Variants in TAOK3 observed in about 807,000 individuals in gnomAD.
The protein encoded by TAOK3 is TAO kinase 3.
A neutral mutation model predicts 120.4 loss-of-function variants in TAOK3; 40 were observed. The ratio of observed to expected loss-of-function variants is 0.33; its 90% confidence interval spans 0.26 to 0.43. The LOEUF (loss-of-function observed/expected upper bound fraction) is 0.43, where lower values mean the gene tolerates loss of function less well. Ranked by LOEUF, TAOK3 falls within the 20% of genes least tolerant of loss-of-function variation. TAOK3 has a pLI of 1.00. For missense variants in TAOK3, 821 were observed against 1,112.1 expected, an observed-to-expected ratio of 0.74 and a Z score of 3.72; for synonymous variants, 355 against 387.5, an observed-to-expected ratio of 0.92 and a Z score of 0.99.
intron 1 of TAOK3, among the ~76,000 whole-genome samples, chr12:118,342,957 A>AAGAG (rs1294248778): frequency 1.0e-4 from 12 of 120,370 alleles, no homozygotes; most frequent in African/African-American, 3.2e-4. Context: ...AAAAAAAAAA[A>AAGAG]AGAGAGAGAG....
At chr12:118,268,753 A>T (rs2041566933) in intron 1 of TAOK3, among the ~76,000 whole-genome samples, 1 of 152,244 alleles carries the variant, frequency 6.6e-6, no homozygotes, top group Non-Finnish European at 1.5e-5. Context: ...TCACACCTGT[A>T]ATCCCAGCAC....
Position 118,177,280 on chromosome 12 carries a change from G to T in TAOK3, c.1616C>A (p.Ala539Asp), listed in dbSNP as rs1380931476. ...DEKKFQQQILAQQKKDLTTFL... is the reference protein window; with the variant it reads ...DEKKFQQQILDQQKKDLTTFL... ...AGTTGTCAAATCTTTCTTCTGCTGGGCCAAGATCTGTTGCTGGAACTTCTT... is the reference window on the plus strand; with the variant it reads ...AGTTGTCAAATCTTTCTTCTGCTGGTCCAAGATCTGTTGCTGGAACTTCTT... Residue 539 changes from alanine to aspartate, a missense_variant, in exon 16 of 21, where the codon GCC becomes GAC. By Grantham distance (126) the Ala-to-Asp change is moderately radical. This residue lies in a region of TAOK3 where 354 missense variants were observed against 572.1 expected (regional missense o/e 0.62). Transcript: ENST00000392533. The T allele has an allele frequency of 1.9e-6, 3 of 1,613,454 alleles. No individual in the cohort carries two copies. The highest frequency in any genetic ancestry group is 2.5e-6 in the Non-Finnish European group (3 of 1,179,814).
At chr12:118,246,335 C>T (rs2040500976) in intron 3 of TAOK3, 4 of 1,605,540 alleles carry the variant, frequency 2.5e-6, no homozygotes, top group Non-Finnish European at 3.4e-6. Context: ...TCTATCTCTT[C>T]TCCCTGCCCA....
chr12:118,190,951 T>C lies in TAOK3; in HGVS notation c.1195-1010A>G, dbSNP rs1018167269. ...TGTACCTCAAAAACATGTACAACCA[T>C]GGGGGATTTTAAAATAGTACATGTT... On this transcript the variant is annotated intron_variant, in intron 13 of 20. Coordinates refer to ENST00000392533, the MANE Select transcript of TAOK3 (RefSeq NM_016281.4). Among the ~76,000 whole-genome samples the C allele has an allele frequency of 3.2e-4, 49 of 152,112 alleles. 2 individuals are homozygous for C. Among genetic ancestry groups the C allele is most frequent in the Non-Finnish European group, 5.9e-5 (4 of 68,012 alleles).
intron 11 of TAOK3, among the ~76,000 whole-genome samples, chr12:118,206,417 T>A (rs1354930750): frequency 2.0e-5 from 3 of 152,224 alleles, no homozygotes; most frequent in African/African-American, 7.2e-5. Flanking sequence ...TGTAGCCTTT[T>A]ACAGCCAGGT....
At chr12:118,228,432 G>C (rs946807814) in intron 9 of TAOK3, among the ~76,000 whole-genome samples, 1 of 152,012 alleles carries the variant, frequency 6.6e-6, no homozygotes, top group African/African-American at 2.4e-5. Context: ...GATTACAAGC[G>C]TGAGCCACTG....
At chr12:118,348,067 CTA>C (rs2044949473) in intron 1 of TAOK3, among the ~76,000 whole-genome samples, 1 of 152,188 alleles carries the variant, frequency 6.6e-6, no homozygotes, top group South Asian at 2.1e-4. Flanking sequence ...ATTTTGTTCA[CTA>C]TGTCTGTAGG....
At chr12:118,299,262 G>A (rs940526655) in intron 1 of TAOK3, among the ~76,000 whole-genome samples, 2 of 152,078 alleles carry the variant, frequency 1.3e-5, no homozygotes, top group Non-Finnish European at 2.9e-5. Context: ...TGTTTCAACA[G>A]TTTTTTCTTC....
chr12:118,245,316 GTTTTA>G, intron 3 of TAOK3, among the ~76,000 whole-genome samples: 1 of 151,642 alleles, frequency 6.6e-6, no homozygotes, highest in East Asian at 1.9e-4. Context: ...GATTACAGGT[GTTTTA>G]TTTTATTTTT....
chr12:118,314,559 C>T (rs767450311), intron 1 of TAOK3, among the ~76,000 whole-genome samples: 1 of 152,132 alleles, frequency 6.6e-6, no homozygotes, highest in African/African-American at 2.4e-5. Context: ...ATGTATGACT[C>T]TTATTTCTCT....
chr12:118,253,255 G>A (rs1261163502), intron 3 of TAOK3, among the ~76,000 whole-genome samples: 1 of 152,114 alleles, frequency 6.6e-6, no homozygotes, highest in Non-Finnish European at 1.5e-5. Context: ...CATTTGGAAG[G>A]ACAACTAAAG....
chr12:118,252,116 G>A (rs1455645670), intron 3 of TAOK3, among the ~76,000 whole-genome samples: 2 of 152,156 alleles, frequency 1.3e-5, no homozygotes, highest in African/African-American at 4.8e-5. Flanking sequence ...CACTGCACCC[G>A]GCCTTGGCTG....
intron 3 of TAOK3, among the ~76,000 whole-genome samples, chr12:118,254,219 T>C (rs1372596190): frequency 1.3e-5 from 2 of 152,128 alleles, no homozygotes; most frequent in Non-Finnish European, 1.5e-5. Context: ...TAAACGAAAA[T>C]ACTGACTTGA....
At chr12:118,175,487 C>T (rs2036266487) in intron 16 of TAOK3, among the ~76,000 whole-genome samples, 1 of 152,046 alleles carries the variant, frequency 6.6e-6, no homozygotes, top group Non-Finnish European at 1.5e-5. Context: ...ATTAGCTGGG[C>T]ATGGTGGTGC....
At chr12:118,328,172 T>C (rs987583026) in intron 1 of TAOK3, among the ~76,000 whole-genome samples, 1 of 152,024 alleles carries the variant, frequency 6.6e-6, no homozygotes, top group East Asian at 1.9e-4. Flanking sequence ...GTGATTCTCC[T>C]ACCTCAGCCT....
At chr12:118,363,908 G>A (rs2045675386) in intron 1 of TAOK3, among the ~76,000 whole-genome samples, 5 of 152,260 alleles carry the variant, frequency 3.3e-5, no homozygotes, top group Admixed American at 2.0e-4. Flanking sequence ...GATCACCTGA[G>A]TTTGGGAGTT....
intron 1 of TAOK3, among the ~76,000 whole-genome samples, chr12:118,356,546 A>G (rs2045401907): frequency 6.6e-6 from 1 of 151,736 alleles, no homozygotes; most frequent in South Asian, 2.1e-4. Context: ...GTGATATTCC[A>G]ACTTCGGCCT....
At chr12:118,213,848 T>C (rs1158664868) in intron 10 of TAOK3, among the ~76,000 whole-genome samples, 169 bp downstream of exon 10, 2 of 152,206 alleles carry the variant, frequency 1.3e-5, no homozygotes, top group Non-Finnish European at 2.9e-5. Context: ...TCTATGCATG[T>C]GTGCATGTGT....
At chr12:118,210,311 G>A (rs1034185089) in intron 11 of TAOK3, among the ~76,000 whole-genome samples, 7 of 152,272 alleles carry the variant, frequency 4.6e-5, no homozygotes, top group Admixed American at 1.3e-4. Flanking sequence ...GGGGCTCGAA[G>A]ATGTCAGCTG....
Sources: gnomAD v4.1 joint callset for allele counts (sites outside exome capture counted in the v4.1 genomes callset) on GRCh38, gnomAD v4.1.1 for gene constraint, gnomAD v4.1.1 regional missense constraint, MANE v1.5 for transcripts, NCBI Gene and HGNC (gene_info 2026-07-23, HGNC 2026-07-21) for gene names.